CDK14: variants seen among roughly 807,000 people sequenced by gnomAD.
CDK14 encodes cyclin-dependent kinase 14.
A neutral mutation model predicts 60.7 loss-of-function variants in CDK14; 34 were observed. The observed-to-expected ratio is 0.56, with a 90% CI of 0.43 to 0.75. The LOEUF is 0.75. Among genes scored for constraint, CDK14 ranks in the 30% least tolerant of loss-of-function variants. CDK14 has a pLI of 0.00. For missense variants in CDK14, 482 were observed against 564.1 expected (o/e 0.85, Z 1.47); for synonymous variants, 197 against 203.7 (o/e 0.97, Z 0.28).
intron 2 of CDK14, among the ~76,000 whole-genome samples, chr7:90,619,753 T>A (rs561174728): frequency 2.0e-5 from 3 of 152,202 alleles, no homozygotes; most frequent in Non-Finnish European, 4.4e-5. Context: ...CCCAGCATTT[T>A]GGGAGGACGA....
rs762907025 is a variant in CDK14, at chr7:90,917,699, G to T, written c.801G>T (p.Thr267=). Reference sequence around the variant, plus strand: ...CACAGAACCTTCTGATCAGTGACACGGGGGAGTTAAAGCTGGCAGATTTCG... The same window carrying T: ...CACAGAACCTTCTGATCAGTGACACTGGGGAGTTAAAGCTGGCAGATTTCG... ...LKPQNLLISD[T]GELKLADFGL... is the part of the protein sequence containing the mutation. Residue 267 remains threonine (T), a synonymous_variant, in exon 8 of 15, where the codon ACG becomes ACT. Transcript: ENST00000380050. 6.2e-7 allele frequency: 1 copy of T among 1,613,118 alleles called. No individual in the cohort carries two copies. Among genetic ancestry groups the T allele is most frequent in the East Asian group, 2.2e-5 (1 of 44,852 alleles).
intron 5 of CDK14, among the ~76,000 whole-genome samples, chr7:90,850,181 A>G (rs781581231): frequency 2.0e-5 from 3 of 151,102 alleles, no homozygotes; most frequent in Non-Finnish European, 4.4e-5. Context: ...TTTATTTTTT[A>G]TCAGTGTATT....
intron 6 of CDK14, among the ~76,000 whole-genome samples, chr7:90,866,507 C>CG (rs1791197838): frequency 6.6e-6 from 1 of 151,922 alleles, no homozygotes. Flanking sequence ...CTGGATATGA[C>CG]GGGAAAGTAA....
intron 7 of CDK14, among the ~76,000 whole-genome samples, chr7:90,904,874 A>C (rs549241723): frequency 3.7e-4 from 56 of 152,322 alleles, no homozygotes; most frequent in South Asian, 8.3e-4. Context: ...TTCAACAGTA[A>C]CACTGAAAGG....
intron 2 of CDK14, among the ~76,000 whole-genome samples, chr7:90,723,423 C>T (rs1056241619): frequency 5.3e-5 from 8 of 152,110 alleles, no homozygotes; most frequent in Non-Finnish European, 1.5e-5. Context: ...TGTTTGCAGG[C>T]CCTAGTCTTT....
chr7:91,086,499 G>A (rs1009510783), intron 12 of CDK14, among the ~76,000 whole-genome samples: 2 of 151,984 alleles, frequency 1.3e-5, no homozygotes, highest in Non-Finnish European at 2.9e-5. Context: ...CTCTGCTGTT[G>A]TTCCCGATCT....
chr7:90,744,840 A>C (rs538519699), intron 3 of CDK14, among the ~76,000 whole-genome samples: 817 of 3,442 alleles, frequency 0.24, 99 homozygotes, highest in African/African-American at 0.38. Context: ...TCCCTCCCGG[A>C]CGGGGGCTGA....
In CDK14 at chr7:90,596,448, G is replaced by T. The variant is rs992683121; in HGVS notation, c.-180G>T. Reference sequence around the variant, plus strand: ...GCCCAGCTGCGGCCCAGGCCGGAGCGGAGCCTGCCGTCCTCCGCCTGCCTG... The same window carrying T: ...GCCCAGCTGCGGCCCAGGCCGGAGCTGAGCCTGCCGTCCTCCGCCTGCCTG... On this transcript the variant is annotated 5_prime_UTR_variant, in exon 1 of 15. Transcript: ENST00000380050. 1.0e-5 allele frequency: 5 copies of T among 495,940 alleles called. No individual in the cohort carries two copies. Among genetic ancestry groups the T allele is most frequent in the Non-Finnish European group, 1.4e-5 (4 of 280,956 alleles). 30.7% of individuals were successfully genotyped at this position (495,940 alleles called of 1,614,324 possible).
At chr7:90,807,566 C>G (rs1427650463) in intron 5 of CDK14, among the ~76,000 whole-genome samples, 1 of 152,202 alleles carries the variant, frequency 6.6e-6, no homozygotes, top group Non-Finnish European at 1.5e-5. Flanking sequence ...TGCCTCTCCT[C>G]CTCCAAAGGA....
chr7:91,124,702 C>G (rs1285532664), intron 14 of CDK14, among the ~76,000 whole-genome samples: 1 of 152,052 alleles, frequency 6.6e-6, no homozygotes, highest in African/African-American at 2.4e-5. Context: ...CTTCTGACTT[C>G]TTAAAACCCA....
At chr7:90,949,772 A>G in intron 8 of CDK14, among the ~76,000 whole-genome samples, 1 of 152,346 alleles carries the variant, frequency 6.6e-6, no homozygotes, top group East Asian at 1.9e-4. Context: ...AGAAACCAAA[A>G]CAAAGATGTT....
At chr7:90,845,851 A>G (rs1268688463) in intron 5 of CDK14, among the ~76,000 whole-genome samples, 1 of 152,150 alleles carries the variant, frequency 6.6e-6, no homozygotes. Context: ...GTTTCTAGCC[A>G]TTAATAGCTG....
intron 2 of CDK14, among the ~76,000 whole-genome samples, chr7:90,671,265 TAGATTCTTCCTCTCA>T (rs1446339166): frequency 6.6e-6 from 1 of 152,036 alleles, no homozygotes. Context: ...TTAGAAGCCA[TAGATTCTTCCTCTCA>T]GGAGATGACT....
intron 2 of CDK14, among the ~76,000 whole-genome samples, chr7:90,649,865 G>A (rs1023919393): frequency 8.5e-5 from 13 of 152,120 alleles, no homozygotes; most frequent in African/African-American, 3.1e-4. Context: ...TATCATTGAT[G>A]GACATTTGGG....
chr7:91,059,874 G>A (rs1164062693), intron 11 of CDK14, among the ~76,000 whole-genome samples: 3 of 152,312 alleles, frequency 2.0e-5, no homozygotes, highest in Non-Finnish European at 4.4e-5. Flanking sequence ...AAAAGAATGT[G>A]TATTCTGTTG....
chr7:91,140,116 C>T (rs537404992), intron 14 of CDK14, among the ~76,000 whole-genome samples: 6 of 152,238 alleles, frequency 3.9e-5, no homozygotes, highest in Admixed American at 1.3e-4. Context: ...AATGGTGACA[C>T]GAGTGAGAAG....
intron 2 of CDK14, among the ~76,000 whole-genome samples, chr7:90,711,493 T>C (rs73220685): frequency 0.16 from 24,195 of 151,826 alleles, 2,043 homozygotes; most frequent in Middle Eastern, 0.26. Context: ...GATTTTTTTT[T>C]CATCCTGTGA....
chr7:90,812,361 G>A (rs577553570), intron 5 of CDK14, among the ~76,000 whole-genome samples: 15 of 152,084 alleles, frequency 9.9e-5, no homozygotes, highest in East Asian at 5.8e-4. Flanking sequence ...GCAAACTATC[G>A]CAAGGACAAA....
In CDK14 at chr7:90,979,953, A is replaced by G. The variant is rs555161889; in HGVS notation, c.948-4195A>G. Among the ~76,000 whole-genome samples, 5 of 115,394 alleles carry G rather than the reference A, an allele frequency of 4.3e-5. 1 individual carries two copies. The East Asian group carries it at 1.9e-3, about 44-fold the overall frequency. The allele number at this position is 115,394 out of a possible 152,430, so 75.7% of individuals were successfully genotyped here. On this transcript the variant is annotated intron_variant, in intron 9 of 14. Transcript: ENST00000380050. ...ATTTGCTCATTTTAAATGCACTTCT[A>G]TAGCCATTTTTTTAGTTATAATTTT...
Sources: allele counts gnomAD v4.1 joint callset (sites outside exome capture counted in the v4.1 genomes callset), GRCh38; gene constraint gnomAD v4.1.1; transcripts MANE v1.5; gene names NCBI Gene and HGNC (gene_info 2026-07-23, HGNC 2026-07-21).